SATL1: variants seen among roughly 807,000 people sequenced by gnomAD.
SATL1 encodes the protein spermidine/spermine N(1)-acetyltransferase-like protein 1.
SATL1 carries 47 observed loss-of-function variants against 51.8 expected under a neutral mutation model. The observed-to-expected ratio is 0.91, with a 90% confidence interval of 0.72 to 1.16. The LOEUF is 1.16. SATL1 is among the 50% of genes most tolerant of loss of function. SATL1 has a pLI of 0.00. For missense variants in SATL1, 520 were observed against 526.4 expected (o/e 0.99, Z 0.12); for synonymous variants, 176 against 182.4 (o/e 0.97, Z 0.28).
At chrX:85,163,113 G>A (rs1926760834) in intron 2 of SATL1, among the ~76,000 whole-genome samples, 1 of 110,288 alleles carries the variant, frequency 9.1e-6, no homozygotes, top group African/African-American at 3.3e-5. Flanking sequence ...AGTTTCAGTA[G>A]GATTGGTACC....
At chrX:85,224,894 A>C (rs1043930092) in intron 1 of SATL1, among the ~76,000 whole-genome samples, 1 of 111,437 alleles carries the variant, frequency 9.0e-6, no homozygotes, top group African/African-American at 3.3e-5. Flanking sequence ...CTAGTGAATG[A>C]ATAAACAAAC....
intron 1 of SATL1, among the ~76,000 whole-genome samples, chrX:85,241,277 AG>A (rs1928587523): frequency 9.1e-6 from 1 of 110,361 alleles, no homozygotes; most frequent in Non-Finnish European, 1.9e-5. Context: ...ACTACTGGAG[AG>A]GAGAGAGAAG....
chrX:85,111,081 T>C (rs1925247755), intron 2 of SATL1, among the ~76,000 whole-genome samples: 2 of 113,047 alleles, frequency 1.8e-5, no homozygotes, highest in Middle Eastern at 4.2e-3. Context: ...ATGAGATAAT[T>C]TTGCTGTTTA....
chrX:85,101,327 T>C (rs902347364), intron 4 of SATL1, among the ~76,000 whole-genome samples: 6 of 112,004 alleles, frequency 5.4e-5, no homozygotes, highest in Non-Finnish European at 7.5e-5. Context: ...TATAAAGGAC[T>C]CCTACAACTC....
At chrX:85,170,042 A>G (rs1285854428) in intron 2 of SATL1, among the ~76,000 whole-genome samples, 1 of 111,262 alleles carries the variant, frequency 9.0e-6, no homozygotes, top group East Asian at 2.8e-4. Context: ...AACAAATACC[A>G]CATGTTCTCA....
chrX:85,231,394 A>C (rs1471871473), intron 1 of SATL1, among the ~76,000 whole-genome samples: 1 of 111,937 alleles, frequency 8.9e-6, no homozygotes, highest in East Asian at 2.8e-4. Context: ...GCCAAATAGA[A>C]GATTCCAGTA....
intron 2 of SATL1, among the ~76,000 whole-genome samples, chrX:85,195,647 T>C (rs949290307): frequency 4.1e-4 from 45 of 109,914 alleles, no homozygotes; most frequent in African/African-American, 1.1e-3. Flanking sequence ...ACCTTGTCTC[T>C]ACTGAAAATA....
chrX:85,232,638 T>C (rs1031327162), intron 1 of SATL1, among the ~76,000 whole-genome samples: 1 of 111,650 alleles, frequency 9.0e-6, no homozygotes, highest in East Asian at 2.8e-4. Flanking sequence ...TGAGCGAACA[T>C]TGGTGGTGTC....
chrX:85,204,720 G>A (rs1483014963), intron 2 of SATL1, among the ~76,000 whole-genome samples: 1 of 111,741 alleles, frequency 8.9e-6, no homozygotes, highest in East Asian at 2.8e-4. Context: ...CTTATCCCCT[G>A]TGAATACGCA....
intron 2 of SATL1, among the ~76,000 whole-genome samples, chrX:85,152,545 T>C (rs1462780500): frequency 9.0e-6 from 1 of 111,124 alleles, no homozygotes; most frequent in Non-Finnish European, 1.9e-5. Context: ...CTATTCACAA[T>C]AGCAAAGACT....
chrX:85,095,940 A>T (rs1274373891), intron 4 of SATL1, among the ~76,000 whole-genome samples: 2 of 110,284 alleles, frequency 1.8e-5, no homozygotes, highest in Non-Finnish European at 3.8e-5. Context: ...TTTAAAACAA[A>T]CTCCCATCAA....
chrX:85,161,409 G>T (rs2147728498), intron 2 of SATL1, among the ~76,000 whole-genome samples: 1 of 107,740 alleles, frequency 9.3e-6, no homozygotes, highest in African/African-American at 3.4e-5. Flanking sequence ...CCATCTTCCA[G>T]AGACCCATCT....
intron 2 of SATL1, among the ~76,000 whole-genome samples, chrX:85,146,062 AT>A (rs1205933909): frequency 1.3e-3 from 140 of 109,642 alleles, no homozygotes; most frequent in Non-Finnish European, 2.2e-3. Flanking sequence ...ACGCCCGGCA[AT>A]TTTTTTGTAC....
intron 2 of SATL1, among the ~76,000 whole-genome samples, chrX:85,146,193 C>T (rs933573838): frequency 3.4e-4 from 38 of 111,697 alleles, no homozygotes; most frequent in African/African-American, 8.1e-4. Flanking sequence ...CCACTGTGCC[C>T]GGCCTACAGT....
At chrX:85,171,249 A>G (rs936401940) in intron 2 of SATL1, among the ~76,000 whole-genome samples, 9 of 111,266 alleles carry the variant, frequency 8.1e-5, no homozygotes, top group Non-Finnish European at 1.5e-4. Flanking sequence ...AGTTAGAACT[A>G]AATATTTCTT....
chrX:85,135,173 G>A (rs575713938), intron 2 of SATL1, among the ~76,000 whole-genome samples: 2 of 110,236 alleles, frequency 1.8e-5, no homozygotes, highest in South Asian at 4.0e-4. Context: ...GGGGCCTGTC[G>A]GTGGGGGACG....
chrX:85,183,866 A>G (rs1927259170), intron 2 of SATL1, among the ~76,000 whole-genome samples: 1 of 111,492 alleles, frequency 9.0e-6, no homozygotes, highest in African/African-American at 3.3e-5. Context: ...CTGCTATGCT[A>G]TCAAATACTA....
At chrX:85,139,423 T>C (rs1341695302) in intron 2 of SATL1, among the ~76,000 whole-genome samples, 4 of 111,839 alleles carry the variant, frequency 3.6e-5, no homozygotes, top group Non-Finnish European at 7.5e-5. Flanking sequence ...GTACATGCTC[T>C]GTTATTCTCA....
intron 2 of SATL1, among the ~76,000 whole-genome samples, chrX:85,118,087 C>CTTTTTTTTTTTTTTT (rs747093188): frequency 1.9e-4 from 9 of 46,164 alleles, no homozygotes; most frequent in African/African-American, 3.5e-4. Flanking sequence ...AAGAACTTAG[C>CTTTTTTTTTTTTTTT]TTTTTTTTTT....
Sources: gnomAD v4.1 joint callset for allele counts (sites outside exome capture counted in the v4.1 genomes callset) on GRCh38, gnomAD v4.1.1 for gene constraint, MANE v1.5 for transcripts, NCBI Gene and HGNC (gene_info 2026-07-23, HGNC 2026-07-21) for gene names.